The following GABRB1 variants were observed in gnomAD, a reference collection of about 807,000 sequenced individuals.
The protein encoded by GABRB1 is gamma-aminobutyric acid receptor subunit beta-1.
Under a neutral mutation model 51.6 loss-of-function variants are expected in GABRB1, and 17 were observed. The observed-to-expected ratio is 0.33, with a 90% CI of 0.23 to 0.49. The LOEUF (loss-of-function observed/expected upper bound fraction) is 0.49. Among genes scored for constraint, GABRB1 ranks in the 20% least tolerant of loss-of-function variants. The pLI, the probability that GABRB1 is intolerant of heterozygous loss-of-function variation, is 0.99. For synonymous variants in GABRB1, 247 were observed against 218.9 expected, an observed-to-expected ratio of 1.13 and a Z score of -1.14; for missense variants, 410 against 600.6, an observed-to-expected ratio of 0.68 and a Z score of 3.32.
intron 3 of GABRB1, among the ~76,000 whole-genome samples, chr4:47,159,902 G>A (rs1371846250): frequency 1.3e-5 from 2 of 151,984 alleles, no homozygotes; most frequent in African/African-American, 4.8e-5. Context: ...TAGTCACTAA[G>A]GCATTCACAA....
chr4:47,326,083 G>T (rs997858930), intron 5 of GABRB1, among the ~76,000 whole-genome samples: 3 of 152,092 alleles, frequency 2.0e-5, no homozygotes, highest in Non-Finnish European at 2.9e-5. Context: ...TGATGAAATC[G>T]CCTACGATCC....
intron 3 of GABRB1, among the ~76,000 whole-genome samples, chr4:47,071,428 T>C (rs1023380811): frequency 2.6e-5 from 4 of 152,214 alleles, no homozygotes; most frequent in Non-Finnish European, 5.9e-5. Flanking sequence ...TTTCTAGTCC[T>C]CCCTACTTTC....
At chr4:47,304,419 T>C (rs919067914) in intron 4 of GABRB1, among the ~76,000 whole-genome samples, 1 of 152,120 alleles carries the variant, frequency 6.6e-6, no homozygotes, top group African/African-American at 2.4e-5. Context: ...ATGTTGGTTA[T>C]TTGTATGTCT....
intron 4 of GABRB1, among the ~76,000 whole-genome samples, chr4:47,291,815 T>A (rs1279596754): frequency 1.3e-5 from 2 of 152,202 alleles, no homozygotes. Flanking sequence ...ATTTATCCAA[T>A]GCCTGTACCC....
chr4:47,334,079 GA>G (rs1301861241), intron 5 of GABRB1, among the ~76,000 whole-genome samples: 4 of 152,248 alleles, frequency 2.6e-5, no homozygotes, highest in Middle Eastern at 3.4e-3. Context: ...AGTGCTTGTC[GA>G]ACATTCAGGG....
intron 1 of GABRB1, among the ~76,000 whole-genome samples, chr4:47,008,853 C>CTTTTTT (rs1491180948): frequency 1.2e-5 from 1 of 80,096 alleles, no homozygotes; most frequent in African/African-American, 5.3e-5. Flanking sequence ...CAGATACTAC[C>CTTTTTT]TTTTTTTTTT....
intron 4 of GABRB1, among the ~76,000 whole-genome samples, chr4:47,287,635 A>T (rs899823408): frequency 6.6e-6 from 1 of 152,230 alleles, no homozygotes; most frequent in Non-Finnish European, 1.5e-5. Flanking sequence ...ATCAATGTGT[A>T]ATTCCCTTCC....
intron 5 of GABRB1, among the ~76,000 whole-genome samples, chr4:47,367,850 C>T (rs1431115830): frequency 2.6e-5 from 4 of 152,196 alleles, no homozygotes; most frequent in Admixed American, 2.6e-4. Context: ...GAAACCCCAG[C>T]CAGTTTTGGC....
chr4:47,019,911 T>TGTATATGTATACGTATATGTATAC (rs1442334321), intron 1 of GABRB1, among the ~76,000 whole-genome samples: 1 of 148,350 alleles, frequency 6.7e-6, no homozygotes, highest in Admixed American at 6.8e-5. Flanking sequence ...TATATGTATA[T>TGTATATGTATACGTATATGTATAC]GTATATGTAT....
At chr4:47,358,753 A>C (rs1429428036) in intron 5 of GABRB1, among the ~76,000 whole-genome samples, 1 of 152,200 alleles carries the variant, frequency 6.6e-6, no homozygotes, top group Non-Finnish European at 1.5e-5. Flanking sequence ...TAGAGAAAAC[A>C]CAATTCAGCC....
intron 3 of GABRB1, among the ~76,000 whole-genome samples, chr4:47,086,248 C>G (rs1166247914): frequency 6.6e-6 from 1 of 152,156 alleles, no homozygotes; most frequent in Admixed American, 6.5e-5. Flanking sequence ...GTTAAATATT[C>G]AGCTCTTCAA....
intron 4 of GABRB1, among the ~76,000 whole-genome samples, chr4:47,307,442 C>G (rs921081471): frequency 1.3e-5 from 2 of 151,948 alleles, no homozygotes; most frequent in African/African-American, 4.8e-5. Context: ...AATCCCCTTC[C>G]TATTTTTGTC....
chr4:47,407,491 C>T (rs979288906), intron 8 of GABRB1, among the ~76,000 whole-genome samples: 3 of 152,180 alleles, frequency 2.0e-5, no homozygotes, highest in African/African-American at 7.2e-5. Context: ...AACCTGTGGT[C>T]TCATTGGATG....
intron 4 of GABRB1, among the ~76,000 whole-genome samples, chr4:47,253,492 T>C (rs1722070447): frequency 6.6e-6 from 1 of 152,214 alleles, no homozygotes; most frequent in Non-Finnish European, 1.5e-5. Context: ...TTTGCCATGA[T>C]GTCTTCTTTG....
intron 3 of GABRB1, among the ~76,000 whole-genome samples, chr4:47,087,307 G>C (rs1728119181): frequency 1.3e-5 from 2 of 151,940 alleles, no homozygotes; most frequent in African/African-American, 2.4e-5. Flanking sequence ...TGTTAACCGT[G>C]AATTATATTT....
At chr4:47,324,868 A>C (rs1409520596) in intron 5 of GABRB1, among the ~76,000 whole-genome samples, 2 of 152,160 alleles carry the variant, frequency 1.3e-5, no homozygotes, top group African/African-American at 4.8e-5. Flanking sequence ...TCCTGGGATT[A>C]ATTGTTAACA....
intron 5 of GABRB1, among the ~76,000 whole-genome samples, chr4:47,373,682 A>C (rs1340507115): frequency 1.3e-5 from 2 of 152,194 alleles, no homozygotes; most frequent in Non-Finnish European, 2.9e-5. Context: ...AATGCACATT[A>C]AATTTGTAAA....
At chr4:47,422,260 C>T (rs1460433908) in intron 8 of GABRB1, among the ~76,000 whole-genome samples, 1 of 152,174 alleles carries the variant, frequency 6.6e-6, no homozygotes, top group African/African-American at 2.4e-5. Flanking sequence ...TTAGAATTTG[C>T]CTTTCTCAAT....
intron 4 of GABRB1, among the ~76,000 whole-genome samples, chr4:47,164,888 G>A (rs752545834): frequency 2.6e-5 from 4 of 152,056 alleles, no homozygotes; most frequent in Non-Finnish European, 5.9e-5. Flanking sequence ...CGGCCCTTGG[G>A]AGAGACTTCA....
Sources: gnomAD v4.1 joint callset for allele counts (sites outside exome capture counted in the v4.1 genomes callset) on GRCh38, gnomAD v4.1.1 for gene constraint, MANE v1.5 for transcripts, NCBI Gene and HGNC (gene_info 2026-07-23, HGNC 2026-07-21) for gene names.